Variants in SLC67A2 observed in about 807,000 individuals in gnomAD.
SLC67A2 encodes solute carrier family 67 member 2, also known as solute carrier family 67 member A2.
the SLC67A2 span, among the ~76,000 whole-genome samples, chr2:102,734,349 C>T: frequency 5.9e-5 from 9 of 152,162 alleles, no homozygotes; most frequent in African/African-American, 1.4e-4. Flanking sequence ...TCATCACCAT[C>T]TAAGCATCCT....
the SLC67A2 span, among the ~76,000 whole-genome samples, chr2:102,726,404 C>T: frequency 3.9e-5 from 6 of 152,272 alleles, no homozygotes; most frequent in South Asian, 1.2e-3. Context: ...CTGACAGGCT[C>T]TGAGGGGCAA....
chr2:102,731,604 C>T, the SLC67A2 span, among the ~76,000 whole-genome samples: 11 of 152,280 alleles, frequency 7.2e-5, no homozygotes, highest in East Asian at 2.1e-3. Context: ...AACCTTCACA[C>T]TGCTGGGTGG....
At chr2:102,721,646 A>G in the SLC67A2 span, among the ~76,000 whole-genome samples, 1 of 150,724 alleles carries the variant, frequency 6.6e-6, no homozygotes, top group Admixed American at 6.6e-5. Context: ...GCATCCAAGG[A>G]GCTCATAGTC....
the SLC67A2 span, among the ~76,000 whole-genome samples, chr2:102,725,715 G>C: frequency 2.0e-5 from 3 of 152,048 alleles, no homozygotes; most frequent in South Asian, 2.1e-4. Context: ...ATGTTGGGGG[G>C]GCTGAACTCT....
At chr2:102,719,196 A>C in the SLC67A2 span, 1 of 1,609,976 alleles carries the variant, frequency 6.2e-7, no homozygotes, top group Non-Finnish European at 8.5e-7. Flanking sequence ...CATGGAAAGA[A>C]CCAAACGAGA....
the SLC67A2 span, chr2:102,723,952 C>T: frequency 6.6e-7 from 1 of 1,504,754 alleles, no homozygotes; most frequent in Admixed American, 1.7e-5. Context: ...TTTTCCAGAC[C>T]ATAAGTATCT....
chr2:102,723,774 C>A, the SLC67A2 span: 10,473 of 1,614,122 alleles, frequency 6.5e-3, 59 homozygotes, highest in Non-Finnish European at 6.7e-3. Context: ...AGTGAGATAG[C>A]CACCGACCAC....
At chr2:102,723,931 G>T in the SLC67A2 span, 4 of 1,592,618 alleles carry the variant, frequency 2.5e-6, no homozygotes, top group Non-Finnish European at 3.4e-6. Flanking sequence ...TGAGAAACAT[G>T]CTCTGTAACT....
At chr2:102,726,816 GAAAAAAAA>G in the SLC67A2 span, 2 of 1,303,604 alleles carry the variant, frequency 1.5e-6, no homozygotes, top group African/African-American at 2.0e-5. Context: ...AGCTACGTTT[GAAAAAAAA>G]AAAAAAAAAA....
the SLC67A2 span, chr2:102,723,623 G>A: frequency 7.1e-7 from 1 of 1,409,996 alleles, no homozygotes; most frequent in Non-Finnish European, 9.9e-7. Flanking sequence ...AAAACGAATT[G>A]CAAAGAAATA....
At chr2:102,727,381 C>A in the SLC67A2 span, among the ~76,000 whole-genome samples, 3 of 152,042 alleles carry the variant, frequency 2.0e-5, no homozygotes, top group African/African-American at 7.2e-5. Flanking sequence ...TACAAAAATA[C>A]CTCATAATCC....
At chr2:102,732,776 T>C in the SLC67A2 span, among the ~76,000 whole-genome samples, 2 of 152,312 alleles carry the variant, frequency 1.3e-5, 1 homozygote, top group South Asian at 4.1e-4. Flanking sequence ...TTGGCGAAAG[T>C]GGCTAATGTC....
chr2:102,736,782 T>A, the SLC67A2 span: 1 of 1,613,062 alleles, frequency 6.2e-7, no homozygotes, highest in Non-Finnish European at 8.5e-7. Context: ...CGGGGCCGAG[T>A]TCATGTCCCA....
chr2:102,731,944 G>A, the SLC67A2 span: 3 of 324,160 alleles, frequency 9.3e-6, no homozygotes, highest in Non-Finnish European at 1.9e-5. Context: ...CCCACGAGAT[G>A]TGATTTCTGT....
the SLC67A2 span, chr2:102,716,798 T>G: frequency 6.6e-6 from 1 of 152,216 alleles, no homozygotes; most frequent in Non-Finnish European, 1.5e-5. Flanking sequence ...GAACTTCAAC[T>G]GTCTGACAGG....
the SLC67A2 span, among the ~76,000 whole-genome samples, chr2:102,725,666 C>T: frequency 0.011 from 1,631 of 151,646 alleles, 35 homozygotes; most frequent in African/African-American, 0.038. Context: ...AAGACCTTCA[C>T]AAAGCATTTA....
the SLC67A2 span, among the ~76,000 whole-genome samples, chr2:102,735,897 G>A: frequency 6.6e-6 from 1 of 151,780 alleles, no homozygotes; most frequent in Admixed American, 6.6e-5. Flanking sequence ...ATTGTGCAAT[G>A]CACACCCTTT....
chr2:102,720,995 T>C, the SLC67A2 span, among the ~76,000 whole-genome samples: 2 of 152,178 alleles, frequency 1.3e-5, no homozygotes, highest in Non-Finnish European at 2.9e-5. Flanking sequence ...CCTCTCCTCC[T>C]CTGCTATTCT....
At chr2:102,718,158 G>GA in the SLC67A2 span, 1 of 451,638 alleles carries the variant, frequency 2.2e-6, no homozygotes, top group East Asian at 4.2e-5. Flanking sequence ...GTGGGAAGAA[G>GA]AGACTTCCAG....
Sources: gnomAD v4.1 joint callset for allele counts (sites outside exome capture counted in the v4.1 genomes callset) on GRCh38, gnomAD v4.1.1 for gene constraint, MANE v1.5 for transcripts, NCBI Gene and HGNC (gene_info 2026-07-23, HGNC 2026-07-21) for gene names.